SLC12A6: variants seen among roughly 807,000 people sequenced by gnomAD.
SLC12A6 encodes solute carrier family 12 member 6.
In SLC12A6, 66 loss-of-function variants were observed where a neutral mutation model predicts 135.3. The observed-to-expected ratio is 0.49, with a 90% CI of 0.40 to 0.60. The LOEUF (loss-of-function observed/expected upper bound fraction) is 0.60, where lower values mean the gene tolerates loss of function less well. SLC12A6 is among the 20% of genes least tolerant of loss of function. The pLI is 0.00. For synonymous variants in SLC12A6, 513 were observed against 508.8 expected (o/e 1.01, Z -0.11); for missense variants, 1,058 against 1,452.3 (o/e 0.73, Z 4.41).
intron 2 of SLC12A6, among the ~76,000 whole-genome samples, chr15:34,324,219 A>G (rs1046258001): frequency 3.3e-5 from 5 of 152,206 alleles, no homozygotes; most frequent in African/African-American, 4.8e-5. Context: ...AACCTGCAGT[A>G]CATGGCATAC....
intron 3 of SLC12A6, among the ~76,000 whole-genome samples, chr15:34,269,173 T>C (rs1418474227): frequency 1.3e-5 from 2 of 151,964 alleles, no homozygotes; most frequent in Admixed American, 1.3e-4. Context: ...TATGTTTCTT[T>C]TTTCTCATTT....
intron 2 of SLC12A6, among the ~76,000 whole-genome samples, chr15:34,328,187 GT>G (rs1354918745): frequency 1.3e-5 from 2 of 151,488 alleles, no homozygotes; most frequent in Admixed American, 6.6e-5. Flanking sequence ...TATTTCTACA[GT>G]TTTCAACTAC....
intron 2 of SLC12A6, chr15:34,318,955 GT>G: frequency 3.3e-6 from 1 of 305,906 alleles, no homozygotes; most frequent in Non-Finnish European, 4.8e-6. Context: ...CCCAAGAACA[GT>G]TTAGCCTGCT....
chr15:34,250,275 T>C (rs1472666285), intron 13 of SLC12A6, 23 bp downstream of exon 13: 4 of 1,319,004 alleles, frequency 3.0e-6, no homozygotes. Context: ...CACATAATTG[T>C]TACAAAGAAA....
rs145308380 is a variant in SLC12A6, at chr15:34,297,603, G to A, written c.272-22214C>T. On this transcript the variant is annotated intron_variant, in intron 2 of 25. Coordinates refer to ENST00000354181, the MANE Select transcript of SLC12A6 (RefSeq NM_001365088.1). ...TGGTCTTGGATCATCTCACTAGCAG[G>A]AAGCAGTGTGAGGGTCCACAGGGAG... Among the ~76,000 whole-genome samples the A allele has an allele frequency of 2.8e-3, 427 of 152,298 alleles. 1 individual carries two copies. The highest frequency in any genetic ancestry group is 4.0e-3 in the Non-Finnish European group (274 of 68,016).
chr15:34,314,281 AGGT>A (rs1224619150), intron 2 of SLC12A6, among the ~76,000 whole-genome samples: 1 of 152,208 alleles, frequency 6.6e-6, no homozygotes, highest in Non-Finnish European at 1.5e-5. Flanking sequence ...TCCTGACCTC[AGGT>A]GATCCACCCA....
chr15:34,317,285 A>C (rs976716892), intron 2 of SLC12A6, among the ~76,000 whole-genome samples: 2 of 152,262 alleles, frequency 1.3e-5, no homozygotes, highest in Admixed American at 6.5e-5. Flanking sequence ...TGCATCTTCA[A>C]ACAAGATTCA....
intron 2 of SLC12A6, among the ~76,000 whole-genome samples, chr15:34,331,598 T>C (rs1015576498): frequency 6.6e-6 from 1 of 152,222 alleles, no homozygotes; most frequent in Admixed American, 6.5e-5. Flanking sequence ...TGTATATTTA[T>C]GGTGTACAAG....
At chr15:34,260,586 A>T (rs1197370042) in intron 4 of SLC12A6, among the ~76,000 whole-genome samples, 1 of 152,192 alleles carries the variant, frequency 6.6e-6, no homozygotes, top group Non-Finnish European at 1.5e-5. Context: ...GGCAAATGAT[A>T]GTCTTTCCAG....
intron 14 of SLC12A6, 103 bp downstream of exon 14, chr15:34,245,590 G>A (rs1481974736): frequency 1.7e-5 from 19 of 1,095,998 alleles, no homozygotes; most frequent in South Asian, 3.8e-5. Context: ...AAAAACCCAC[G>A]TCTCCACATT....
intron 2 of SLC12A6, among the ~76,000 whole-genome samples, chr15:34,288,425 C>T (rs1411450344): frequency 1.3e-5 from 2 of 152,202 alleles, no homozygotes; most frequent in African/African-American, 4.8e-5. Flanking sequence ...TTGATGTCTC[C>T]AGCTTTGTTC....
intron 2 of SLC12A6, chr15:34,299,568 C>T (rs1185290178): frequency 6.6e-6 from 1 of 152,132 alleles, no homozygotes; most frequent in Non-Finnish European, 1.5e-5. Flanking sequence ...GTGTACATTA[C>T]ATTACATTTC....
chr15:34,277,838 A>G (rs913800947), intron 2 of SLC12A6, among the ~76,000 whole-genome samples: 3 of 152,216 alleles, frequency 2.0e-5, no homozygotes, highest in Non-Finnish European at 4.4e-5. Context: ...TCATATTTTA[A>G]TGTTTATAGT....
At chr15:34,310,896 A>C (rs965610681) in intron 2 of SLC12A6, among the ~76,000 whole-genome samples, 1 of 151,952 alleles carries the variant, frequency 6.6e-6, no homozygotes, top group Non-Finnish European at 1.5e-5. Flanking sequence ...CTGGCATTAC[A>C]GGTATGAGCC....
chr15:34,243,428 A>G (rs1452557433), intron 16 of SLC12A6, among the ~76,000 whole-genome samples: 1 of 152,194 alleles, frequency 6.6e-6, no homozygotes, highest in Non-Finnish European at 1.5e-5. Context: ...GTAGCCAAAA[A>G]TCTTTCATGA....
chr15:34,335,145 C>A (rs1465151568), intron 2 of SLC12A6, among the ~76,000 whole-genome samples: 2 of 152,174 alleles, frequency 1.3e-5, no homozygotes, highest in African/African-American at 4.8e-5. Context: ...GTATTCCATA[C>A]TGTAATTTTA....
intron 13 of SLC12A6, among the ~76,000 whole-genome samples, chr15:34,249,490 C>T (rs1004902437): frequency 6.6e-6 from 1 of 152,084 alleles, no homozygotes; most frequent in African/African-American, 2.4e-5. Context: ...TTACTTGAGC[C>T]CAGGAGGTTG....
Position 34,240,579 on chromosome 15 carries a change from T to A in SLC12A6, c.2436+82A>T, listed in dbSNP as rs930508253. 6.7e-6 allele frequency: 8 copies of A among 1,192,706 alleles called. No individual in the cohort carries two copies. In the African/African-American group the frequency reaches 1.2e-4, roughly 18 times the overall value. The allele number at this position is 1,192,706 out of a possible 1,614,324, so 73.9% of individuals were successfully genotyped here. A position where few individuals can be genotyped will look rare whatever the true frequency, so the allele number is the denominator to read the frequency against. On this transcript the variant is annotated intron_variant, in intron 19 of 25. Coordinates refer to ENST00000354181, the MANE Select transcript of SLC12A6 (RefSeq NM_001365088.1). The stretch of plus-strand genomic sequence containing the variant: ...CTCCTAGATCACTCAGGAACAAGAT[T>A]CAAGTAGAAGTTTGAGGTCTTACTA...
intron 2 of SLC12A6, among the ~76,000 whole-genome samples, chr15:34,314,118 G>A (rs1595557506): frequency 6.7e-6 from 1 of 150,320 alleles, no homozygotes. Context: ...CCCGATCTCA[G>A]CTCACTGCAA....
Sources: allele counts gnomAD v4.1 joint callset (sites outside exome capture counted in the v4.1 genomes callset), GRCh38; gene constraint gnomAD v4.1.1; transcripts MANE v1.5; gene names NCBI Gene and HGNC (gene_info 2026-07-23, HGNC 2026-07-21).